Variants in ADRA1A observed in about 807,000 individuals in gnomAD.
ADRA1A encodes alpha-1A adrenergic receptor.
A neutral mutation model predicts 29.6 loss-of-function variants in ADRA1A; 31 were observed. The observed-to-expected ratio is 1.05, with a 90% confidence interval of 0.79 to 1.41. The LOEUF (loss-of-function observed/expected upper bound fraction) is 1.41, where lower values mean the gene tolerates loss of function less well. ADRA1A is among the 40% of genes most tolerant of loss of function. The pLI, the probability that ADRA1A is intolerant of heterozygous loss-of-function variation, is 0.00. For missense variants in ADRA1A, 619 were observed against 601.1 expected, an observed-to-expected ratio of 1.03 and a Z score of -0.31; for synonymous variants, 311 against 254.3, an observed-to-expected ratio of 1.22 and a Z score of -2.12.
rs571824904 is a variant in ADRA1A, at chr8:26,750,022, A to G, written c.1270-1274T>C. Among the ~76,000 whole-genome samples, 111 of 152,306 alleles carry G rather than the reference A, an allele frequency of 7.3e-4. 1 individual carries two copies. Among genetic ancestry groups the G allele is most frequent in the Non-Finnish European group, 1.2e-3 (84 of 68,020 alleles). On this transcript the variant is annotated intron_variant, in intron 2 of 2. Transcript: ENST00000380586. ...GCTGCTGTAACAAAATAACATAAAT[A>G]GGTGGCTTATACACATCAGAAATTT...
chr8:26,814,391 G>T (rs1366978896), intron 2 of ADRA1A, among the ~76,000 whole-genome samples: 1 of 152,104 alleles, frequency 6.6e-6, no homozygotes, highest in Non-Finnish European at 1.5e-5. Flanking sequence ...CTGCAGAATA[G>T]CTGAGACTTC....
At chr8:26,804,439 T>C (rs1808818184) in intron 2 of ADRA1A, among the ~76,000 whole-genome samples, 1 of 152,184 alleles carries the variant, frequency 6.6e-6, no homozygotes, top group Non-Finnish European at 1.5e-5. Context: ...TATTGATACA[T>C]GTGACATGCA....
intron 2 of ADRA1A, among the ~76,000 whole-genome samples, chr8:26,782,977 C>T (rs910891559): frequency 6.6e-6 from 1 of 152,178 alleles, no homozygotes; most frequent in Non-Finnish European, 1.5e-5. Context: ...CCAGCCCTGA[C>T]TACGAAACCT....
downstream of ADRA1A, chr8:26,766,216 T>C: frequency 1.8e-6 from 2 of 1,127,616 alleles, no homozygotes; most frequent in Non-Finnish European, 2.7e-6. Context: ...TTTGCTTTCA[T>C]TTATTTTTAA....
Position 26,859,182 on chromosome 8 carries a change from C to T in ADRA1A, c.883+4905G>A, listed in dbSNP as rs61757002. 1,311 of 1,289,492 alleles carry T rather than the reference C, an allele frequency of 1.0e-3. 4 individuals are homozygous for T. The highest frequency in any genetic ancestry group is 3.8e-3 in the Middle Eastern group (18 of 4,698). The allele number at this position is 1,289,492 out of a possible 1,614,324, so 79.9% of individuals were successfully genotyped here. A position where few individuals can be genotyped will look rare whatever the true frequency, so the allele number is the denominator to read the frequency against. Reference sequence around the variant, plus strand: ...GACAGCCCTTTTCTCCAAAACAGCACGTCATATTTAAGAATGTATGTCCCT... The same window carrying T: ...GACAGCCCTTTTCTCCAAAACAGCATGTCATATTTAAGAATGTATGTCCCT... On this transcript the variant is annotated intron_variant, in intron 2 of 2. Coordinates refer to ENST00000380573, the MANE Select transcript of ADRA1A (RefSeq NM_000680.4).
intron 2 of ADRA1A, among the ~76,000 whole-genome samples, chr8:26,844,599 C>T (rs1026422417): frequency 5.9e-5 from 9 of 152,170 alleles, no homozygotes; most frequent in Non-Finnish European, 1.0e-4. Context: ...AGTTGAATTT[C>T]GACAAGGGTG....
At chr8:26,833,581 A>G (rs1399126045) in intron 2 of ADRA1A, among the ~76,000 whole-genome samples, 6 of 152,226 alleles carry the variant, frequency 3.9e-5, no homozygotes, top group Non-Finnish European at 7.3e-5. Flanking sequence ...TCCTCTTGAG[A>G]GCAATTAAGC....
chr8:26,850,361 G>A (rs904258751), intron 2 of ADRA1A, among the ~76,000 whole-genome samples: 1 of 152,140 alleles, frequency 6.6e-6, no homozygotes, highest in African/African-American at 2.4e-5. Flanking sequence ...AGCAACAAGA[G>A]TATTTTGAAA....
At position 26,865,049 on chromosome 8, in the gene ADRA1A, G is replaced by C. The variant is rs1402430363; in HGVS notation, c.-80C>G. The stretch of plus-strand genomic sequence containing the variant: ...GCGCGGAGGCGGGAGCGCGGGAGCC[G>C]GGAATCAAAAGGTCTCGGCTGGAGG... On this transcript the variant is annotated 5_prime_UTR_variant, in exon 2 of 3. Coordinates refer to ENST00000380573, the MANE Select transcript of ADRA1A (RefSeq NM_000680.4). The surrounding 1 kb of genome is among the most constrained non-coding windows in gnomAD (Gnocchi z 7.6). 1 of 1,517,996 alleles carries C rather than the reference G, an allele frequency of 6.6e-7. No individual in the cohort carries two copies. 94.0% of individuals were successfully genotyped at this position (1,517,996 alleles called of 1,614,324 possible).
At position 26,769,836 on chromosome 8, in the gene ADRA1A, A is replaced by G. The variant is rs550945914; in HGVS notation, c.*313T>C. On this transcript the variant is annotated 3_prime_UTR_variant, in exon 3 of 3. Transcript: ENST00000380573. ...GATGAAATCATAATCCTATATTTAT[A>G]GTCTTTTGGATTGTGCATGAAATTC... The G allele has an allele frequency of 1.1e-5, 12 of 1,088,322 alleles. No individual in the cohort carries two copies. The South Asian group carries it at 4.4e-4, about 40-fold the overall frequency. The allele number at this position is 1,088,322 out of a possible 1,614,324, so 67.4% of individuals were successfully genotyped here.
chr8:26,811,331 T>C (rs892737203), intron 2 of ADRA1A, among the ~76,000 whole-genome samples: 1 of 152,310 alleles, frequency 6.6e-6, no homozygotes, highest in East Asian at 1.9e-4. Context: ...TAGCTGGGAC[T>C]ACAGGCGCCT....
chr8:26,797,553 C>T (rs916493243), intron 2 of ADRA1A, among the ~76,000 whole-genome samples: 3 of 152,066 alleles, frequency 2.0e-5, no homozygotes, highest in South Asian at 2.1e-4. Context: ...CCAGCGTTGG[C>T]GTCCCAAAGT....
rs1416894572 is a variant in ADRA1A at position 26,778,161 on chromosome 8, C to G, written c.884-7495G>C. ...AGTTAACAAAGCCTAAGAAGCATTT[C>G]TCCTTTTAGGAAAAAGGAGCAGGTC... On this transcript the variant is annotated intron_variant, in intron 2 of 2. Coordinates refer to ENST00000380573, the MANE Select transcript of ADRA1A (RefSeq NM_000680.4). Among the ~76,000 whole-genome samples the G allele has an allele frequency of 3.3e-5, 5 of 152,194 alleles. 1 individual carries two copies. In the South Asian group the frequency reaches 1.0e-3, roughly 32 times the overall value.
At chr8:26,760,565 C>T (rs1465225830) in intron 2 of ADRA1A, among the ~76,000 whole-genome samples, 1 of 152,226 alleles carries the variant, frequency 6.6e-6, no homozygotes, top group African/African-American at 2.4e-5. Context: ...ACAGCACTGA[C>T]ATACCCTTAA....
At chr8:26,778,242 A>T (rs1806694608) in intron 2 of ADRA1A, among the ~76,000 whole-genome samples, 1 of 152,224 alleles carries the variant, frequency 6.6e-6, no homozygotes, top group African/African-American at 2.4e-5. Context: ...AAAGAGTAAT[A>T]GGGGACCCCA....
At chr8:26,808,927 T>G (rs2130526482) in intron 2 of ADRA1A, among the ~76,000 whole-genome samples, 1 of 152,332 alleles carries the variant, frequency 6.6e-6, no homozygotes, top group African/African-American at 2.4e-5. Context: ...TGGGATCATT[T>G]TTCTGCCATT....
downstream of ADRA1A, among the ~76,000 whole-genome samples, chr8:26,753,445 T>A (rs1027299079): frequency 1.6e-5 from 1 of 63,446 alleles, no homozygotes; most frequent in African/African-American, 4.2e-5. Flanking sequence ...TGCAGTATAC[T>A]TTCTATTTTT....
chr8:26,819,389 A>G (rs1803071169), intron 2 of ADRA1A, among the ~76,000 whole-genome samples: 1 of 152,052 alleles, frequency 6.6e-6, no homozygotes, highest in Non-Finnish European at 1.5e-5. Flanking sequence ...CTCTAGTATA[A>G]AAGTTAAAAT....
At position 26,831,366 on chromosome 8, in the gene ADRA1A, C is replaced by CAG. The variant is rs372634911; in HGVS notation, c.883+32719_883+32720dup. 1.9e-3 allele frequency among the ~76,000 whole-genome samples: 286 copies of CAG among 150,610 alleles called. No individual in the cohort carries two copies. The highest frequency in any genetic ancestry group is 6.5e-3 in the African/African-American group (269 of 41,274). Reference sequence around the variant, plus strand: ...AGAAGAGATGCCAATGATGACGAGGCAGAGAGAGAGAGAGAAGGAGAGAGA... The same window carrying CAG: ...AGAAGAGATGCCAATGATGACGAGGCAGAGAGAGAGAGAGAGAAGGAGAGAGA... On this transcript the variant is annotated intron_variant, in intron 2 of 2. Coordinates refer to ENST00000380573, the MANE Select transcript of ADRA1A (RefSeq NM_000680.4). The surrounding 1 kb of genome is among the most constrained non-coding windows in gnomAD (Gnocchi z 5.2).
Sources: gnomAD v4.1 joint callset for allele counts (sites outside exome capture counted in the v4.1 genomes callset) on GRCh38, gnomAD v4.1.1 for gene constraint, Gnocchi (gnomAD v3.1) non-coding constraint, MANE v1.5 for transcripts, NCBI Gene and HGNC (gene_info 2026-07-23, HGNC 2026-07-21) for gene names.